The following SNX29 variants were observed in gnomAD, a reference collection of about 807,000 sequenced individuals.
The protein encoded by SNX29 is sorting nexin-29.
SNX29 carries 78 observed loss-of-function variants against 102.1 expected under a neutral mutation model. The ratio of observed to expected loss-of-function variants is 0.76; its 90% CI spans 0.64 to 0.92. The LOEUF (loss-of-function observed/expected upper bound fraction) is 0.92, where lower values mean the gene tolerates loss of function less well. Ranked by LOEUF, SNX29 falls within the 40% of genes least tolerant of loss-of-function variation. The pLI is 0.00. For synonymous variants in SNX29, 580 were observed against 414.5 expected, an observed-to-expected ratio of 1.40 and a Z score of -4.85; for missense variants, 1,280 against 1,061.7, an observed-to-expected ratio of 1.21 and a Z score of -2.86.
At chr16:11,999,466 C>A (rs370905996) in intron 2 of SNX29, 108 bp downstream of exon 2, 16 of 1,054,570 alleles carry the variant, frequency 1.5e-5, no homozygotes, top group East Asian at 2.6e-5. Context: ...CACTTTATAC[C>A]TGGGAACAGT....
intron 20 of SNX29, among the ~76,000 whole-genome samples, chr16:12,551,998 C>G (rs983936774): frequency 3.3e-5 from 5 of 152,188 alleles, no homozygotes; most frequent in African/African-American, 9.7e-5. Flanking sequence ...GTAGCTCCTG[C>G]TGGTCCCTGT....
intron 18 of SNX29, among the ~76,000 whole-genome samples, chr16:12,437,644 A>G (rs2085597343): frequency 6.6e-6 from 1 of 152,104 alleles, no homozygotes; most frequent in African/African-American, 2.4e-5. Flanking sequence ...CCCCACCCAT[A>G]GCTGCCCTCT....
At chr16:12,476,547 A>G (rs2087662190) in intron 18 of SNX29, among the ~76,000 whole-genome samples, 1 of 148,420 alleles carries the variant, frequency 6.7e-6, no homozygotes, top group African/African-American at 2.5e-5. Context: ...TGAGTAACTG[A>G]TCTGATTATA....
intron 19 of SNX29, among the ~76,000 whole-genome samples, chr16:12,481,513 GACACACACACACACAC>G (rs59650769): frequency 3.3e-4 from 42 of 125,636 alleles, no homozygotes; most frequent in South Asian, 1.7e-3. Flanking sequence ...TATACATATA[GACACACACACACACAC>G]ACACACACAC....
intron 20 of SNX29, among the ~76,000 whole-genome samples, chr16:12,557,029 C>A (rs1309362715): frequency 7.1e-5 from 9 of 126,752 alleles, no homozygotes; most frequent in South Asian, 3.4e-4. Context: ...CCCCCCCGCC[C>A]CAAGATGAGG....
intron 18 of SNX29, among the ~76,000 whole-genome samples, chr16:12,448,244 C>G (rs1199992928): frequency 6.6e-6 from 1 of 152,224 alleles, no homozygotes; most frequent in African/African-American, 2.4e-5. Flanking sequence ...GAGTTTCCAG[C>G]TGACCACCTT....
At chr16:12,162,638 G>T (rs2055838557) in intron 13 of SNX29, among the ~76,000 whole-genome samples, 1 of 152,210 alleles carries the variant, frequency 6.6e-6, no homozygotes, top group Non-Finnish European at 1.5e-5. Flanking sequence ...TACACAACAG[G>T]CTGGATTTGT....
intron 18 of SNX29, among the ~76,000 whole-genome samples, chr16:12,454,705 T>C (rs925381615): frequency 2.0e-5 from 3 of 152,012 alleles, no homozygotes; most frequent in Non-Finnish European, 4.4e-5. Context: ...AATGAATTTA[T>C]TTATTTATTT....
At chr16:12,230,691 A>G (rs1490696911) in intron 14 of SNX29, among the ~76,000 whole-genome samples, 5 of 152,132 alleles carry the variant, frequency 3.3e-5, no homozygotes, top group Admixed American at 2.6e-4. Flanking sequence ...GGTTGGGGGG[A>G]AAATAGGGAA....
chr16:12,365,210 G>A (rs893405837), intron 16 of SNX29, among the ~76,000 whole-genome samples: 2 of 152,098 alleles, frequency 1.3e-5, no homozygotes, highest in Non-Finnish European at 2.9e-5. Flanking sequence ...CAGCACTCTG[G>A]ATGGTTTTAA....
chr16:12,326,455 G>A (rs1411697211), intron 15 of SNX29, among the ~76,000 whole-genome samples: 2 of 151,828 alleles, frequency 1.3e-5, no homozygotes, highest in African/African-American at 4.8e-5. Context: ...TTTCTGTAAA[G>A]GGCTGTGTCG....
At chr16:11,978,882 G>T (rs543258764) in intron 1 of SNX29, among the ~76,000 whole-genome samples, 4 of 151,964 alleles carry the variant, frequency 2.6e-5, no homozygotes, top group Admixed American at 6.6e-5. Context: ...CCAAGATCAA[G>T]CCACTGCACT....
intron 20 of SNX29, among the ~76,000 whole-genome samples, chr16:12,554,184 G>A (rs781595352): frequency 6.6e-6 from 1 of 152,170 alleles, no homozygotes; most frequent in African/African-American, 2.4e-5. Context: ...AATAAGTTCT[G>A]GCTTAAACCA....
chr16:12,200,107 T>C (rs1387824659), intron 14 of SNX29, among the ~76,000 whole-genome samples: 3 of 152,144 alleles, frequency 2.0e-5, no homozygotes, highest in Non-Finnish European at 2.9e-5. Context: ...TTCTAATCTC[T>C]TTGCACCTCA....
At chr16:12,256,306 C>A (rs1311717499) in intron 14 of SNX29, among the ~76,000 whole-genome samples, 17 of 152,088 alleles carry the variant, frequency 1.1e-4, no homozygotes, top group Non-Finnish European at 7.4e-5. Flanking sequence ...ACAGTTTCTT[C>A]CATTTGGTAA....
chr16:12,390,149 G>GGTGTGTGTGT (rs34547147), intron 16 of SNX29, among the ~76,000 whole-genome samples: 1,661 of 145,648 alleles, frequency 0.011, 17 homozygotes, highest in African/African-American at 0.027. Flanking sequence ...GCAATTGAGG[G>GGTGTGTGTGT]GTGTGTGTGT....
chr16:12,196,972 A>G (rs949993068), intron 13 of SNX29, among the ~76,000 whole-genome samples: 6 of 152,098 alleles, frequency 3.9e-5, no homozygotes, highest in African/African-American at 1.4e-4. Flanking sequence ...ATTTCTTCAA[A>G]CTAGAAGAAA....
chr16:12,036,220 G>A (rs1452509100), intron 4 of SNX29, among the ~76,000 whole-genome samples: 4 of 152,016 alleles, frequency 2.6e-5, no homozygotes, highest in African/African-American at 7.2e-5. Context: ...GACGACAGGT[G>A]TGTGCCGCCA....
chr16:12,547,710 C>T (rs977934943), intron 20 of SNX29, among the ~76,000 whole-genome samples: 2 of 152,154 alleles, frequency 1.3e-5, no homozygotes, highest in African/African-American at 4.8e-5. Flanking sequence ...CTGGGATCTG[C>T]ATAGCATGGC....
Sources: allele counts gnomAD v4.1 joint callset (sites outside exome capture counted in the v4.1 genomes callset), GRCh38; gene constraint gnomAD v4.1.1; transcripts MANE v1.5; gene names NCBI Gene and HGNC (gene_info 2026-07-23, HGNC 2026-07-21).